The following GNL3 variants were observed in gnomAD, a reference collection of about 807,000 sequenced individuals.
GNL3 encodes the protein guanine nucleotide-binding protein-like 3.
GNL3 carries 77 observed loss-of-function variants against 70.6 expected under a neutral mutation model. The observed-to-expected ratio is 1.09, with a 90% CI of 0.91 to 1.32. GNL3 has a LOEUF of 1.32. GNL3 is among the 40% of genes most tolerant of loss of function. The probability of loss-of-function intolerance (pLI) is 0.00; values close to 1 mark genes in which losing one functional copy is unlikely to be tolerated. For synonymous variants in GNL3, 252 were observed against 216.1 expected (o/e 1.17, Z -1.46); for missense variants, 634 against 644.0 (o/e 0.98, Z 0.17).
At position 52,693,615 on chromosome 3, in the gene GNL3, C is replaced by T; in HGVS notation, c.1325-17C>T. ...TGGAGCTCTTACCTGTTTACATGGG[C>T]TTGCTTTCTTTCCCAGCCATCAAGG... On this transcript the variant is annotated splice_polypyrimidine_tract_variant and intron_variant, in intron 12 of 14. Coordinates refer to ENST00000418458, the MANE Select transcript of GNL3 (RefSeq NM_014366.5). 1.2e-6 allele frequency: 2 copies of T among 1,613,784 alleles called. No homozygotes were observed. Among genetic ancestry groups the T allele is most frequent in the African/African-American group, 1.3e-5 (1 of 74,996 alleles).
intron 4 of GNL3, 155 bp from the exon 5 acceptor site, chr3:52,687,950 CACAG>C (rs1234519309): frequency 1.9e-5 from 12 of 637,354 alleles, no homozygotes; most frequent in Non-Finnish European, 3.4e-5. Context: ...AAAGCACATC[CACAG>C]GCTGCTGAGC....
At chr3:52,694,155 T>C in intron 14 of GNL3, 38 bp from the exon 15 acceptor site, 1 of 1,595,414 alleles carries the variant, frequency 6.3e-7, no homozygotes, top group African/African-American at 1.3e-5. Context: ...AGAATCACTT[T>C]TACTTTTTGA....
chr3:52,687,847 A>AACCCAACTC lies in GNL3; in HGVS notation c.324+233_324+234insCCCAACTCA. 8.4e-6 allele frequency: 5 copies of AACCCAACTC among 592,324 alleles called. No individual in the cohort carries two copies. In the South Asian group the frequency reaches 1.0e-4, roughly 12 times the overall value. 36.7% of individuals were successfully genotyped at this position (592,324 alleles called of 1,614,324 possible). A position where few individuals can be genotyped will look rare whatever the true frequency, so the allele number is the denominator to read the frequency against. On this transcript the variant is annotated intron_variant, in intron 4 of 14. Transcript: ENST00000418458. ...TCACTATATTGCCAAGGCTGGTCTC[A>AACCCAACTC]AGTGATCCACCCAACTCAGCCTCCC...
chr3:52,689,824 C>T (rs756228331), intron 6 of GNL3, among the ~76,000 whole-genome samples: 9 of 152,156 alleles, frequency 5.9e-5, no homozygotes, highest in Non-Finnish European at 1.3e-4. Flanking sequence ...TGATGATGGG[C>T]ACTTGTAGTC....
At chr3:52,686,169 A>G (rs899270345) in intron 1 of GNL3, 64 bp downstream of exon 1, 1 of 1,554,706 alleles carries the variant, frequency 6.4e-7, no homozygotes, top group Admixed American at 1.7e-5. Context: ...AGCCACCACG[A>G]CGCTCTTCTA....
chr3:52,693,784 G>T lies in GNL3; in HGVS notation c.1477G>T (p.Glu493Ter). The T allele has an allele frequency of 6.2e-7, 1 of 1,614,012 alleles. No homozygotes were observed. The highest frequency in any genetic ancestry group is 1.3e-5 in the African/African-American group (1 of 75,022). ...GGAGGATGACAAAGACAGTGACCAG[G>T]AAACTGTTGATGAAGAAGTTGATGT... Reference protein sequence around the residue: ...EREDDKDSDQETVDEEVDENS... With the variant: ...EREDDKDSDQ The change falls in exon 13 of 15, where the codon GAA becomes TAA. Residue 493 changes from glutamate to a stop codon, truncating the protein, a stop_gained. Coordinates refer to ENST00000418458, the MANE Select transcript of GNL3 (RefSeq NM_014366.5). LOFTEE classifies it high-confidence loss of function.
In GNL3 at chr3:52,693,585, G is replaced by A. The variant is rs995919174; in HGVS notation, c.1324+41G>A. 1.9e-6 allele frequency: 3 copies of A among 1,613,882 alleles called. No individual in the cohort carries two copies. In the African/African-American group the frequency reaches 4.0e-5, roughly 22 times the overall value. ...CGCTGCTGTCTTCATCAGCTGACAG[G>A]CCAGTGGAGCTCTTACCTGTTTACA... On this transcript the variant is annotated intron_variant, in intron 12 of 14. Transcript: ENST00000418458.
intron 9 of GNL3, among the ~76,000 whole-genome samples, chr3:52,692,355 TG>T (rs1445370870): frequency 1.3e-5 from 2 of 149,148 alleles, no homozygotes; most frequent in African/African-American, 4.9e-5. Context: ...CCACTGTGCC[TG>T]GCCAACTTTT....
intron 5 of GNL3, 162 bp downstream of exon 5, chr3:52,688,354 T>C: frequency 1.8e-6 from 1 of 564,090 alleles, no homozygotes; most frequent in East Asian, 2.8e-5. Flanking sequence ...ATCACCCAGG[T>C]ATTAAGCCTA....
intron 1 of GNL3, 21 bp downstream of exon 1, chr3:52,686,126 G>T: frequency 6.3e-7 from 1 of 1,585,932 alleles, no homozygotes; most frequent in Non-Finnish European, 8.7e-7. Flanking sequence ...TCGGGAGGCG[G>T]GCGTGGAGGG....
At chr3:52,689,966 G>A (rs1010366621) in intron 6 of GNL3, among the ~76,000 whole-genome samples, 2 of 152,108 alleles carry the variant, frequency 1.3e-5, no homozygotes, top group South Asian at 2.1e-4. Flanking sequence ...GAAACAATTG[G>A]CTGCTAGCTA....
chr3:52,687,199 G>A (rs749889385), intron 2 of GNL3, 47 bp from the exon 3 acceptor site: 3 of 1,516,186 alleles, frequency 2.0e-6, no homozygotes, highest in Non-Finnish European at 2.7e-6. Context: ...TTCTGCTTAA[G>A]TATAAAGATA....
chr3:52,690,815 A>G (rs2154099610), intron 7 of GNL3, 111 bp downstream of exon 7: 1 of 1,173,918 alleles, frequency 8.5e-7, no homozygotes, highest in East Asian at 2.3e-5. Context: ...TCCAACTCTG[A>G]TTTCAGCCAG....
At chr3:52,692,110 T>TAA (rs1459327674) in intron 9 of GNL3, among the ~76,000 whole-genome samples, 1 of 152,168 alleles carries the variant, frequency 6.6e-6, no homozygotes, top group African/African-American at 2.4e-5. Context: ...GTTCAGCAGA[T>TAA]AGATTGAGAG....
chr3:52,693,692 GAAT>G lies in GNL3; in HGVS notation c.1390_1392del (p.Ile464del), dbSNP rs774379142. 76 of 1,614,064 alleles carry G rather than the reference GAAT, an allele frequency of 4.7e-5. No homozygotes were observed. The Middle Eastern group carries it at 4.9e-4, about 11-fold the overall frequency. On this transcript the variant is annotated inframe_deletion, in exon 13 of 15. Transcript: ENST00000418458. ...TTCCAGTCTTCCGGTCTGACAAATGGAATAATAGAAGAAAAGGACATACATGAA... is the reference window on the plus strand; with the variant it reads ...TTCCAGTCTTCCGGTCTGACAAATGGAATAGAAGAAAAGGACATACATGAA...
At position 52,690,989 on chromosome 3, in the gene GNL3, C is replaced by G; in HGVS notation, c.699C>G (p.Val233=). 2 of 1,613,644 alleles carry G rather than the reference C, an allele frequency of 1.2e-6. No individual in the cohort carries two copies. The highest frequency in any genetic ancestry group is 1.7e-6 in the Non-Finnish European group (2 of 1,179,548). ...ATGCTGCTCCATTCAGAAGTGAAGTCTGCTTTGGGAAAGAGGGCCTTTGGA... is the reference window on the plus strand; with the variant it reads ...ATGCTGCTCCATTCAGAAGTGAAGTGTGCTTTGGGAAAGAGGGCCTTTGGA... ...KKNAAPFRSE[V]CFGKEGLWKL... The change falls in exon 8 of 15, where the codon GTC becomes GTG. Residue 233 remains valine (V), a synonymous_variant. Coordinates refer to ENST00000418458, the MANE Select transcript of GNL3 (RefSeq NM_014366.5).
chr3:52,694,253 A>C lies in GNL3; in HGVS notation c.1628A>C (p.Asp543Ala). 6.4e-7 allele frequency: 1 copy of C among 1,563,754 alleles called. No individual in the cohort carries two copies. Residue 543 changes from aspartate (D) to alanine (A), a missense_variant, in exon 15 of 15, where the codon GAC becomes GCC. Physicochemically the swap from Asp to Ala is moderately radical, Grantham distance 126 (BLOSUM62 -2). Transcript: ENST00000418458. ...DKIIEEDDAYDFSTDYV is the reference protein window; with the variant it reads ...DKIIEEDDAYAFSTDYV ...ATCATTGAAGAGGATGATGCTTATG[A>C]CTTCAGTACAGATTATGTGTAACAG...
intron 6 of GNL3, 105 bp downstream of exon 6, chr3:52,689,311 A>C: frequency 9.1e-7 from 1 of 1,094,542 alleles, no homozygotes; most frequent in Non-Finnish European, 1.4e-6. Context: ...GATCTCAGCA[A>C]AGCCAGAGTA....
At chr3:52,694,164 G>A (rs1395437791) in intron 14 of GNL3, 29 bp from the exon 15 acceptor site, 1 of 1,598,142 alleles carries the variant, frequency 6.3e-7, no homozygotes. Flanking sequence ...TTTACTTTTT[G>A]AAAATCTCTT....
Sources: gnomAD v4.1 joint callset for allele counts (sites outside exome capture counted in the v4.1 genomes callset) on GRCh38, gnomAD v4.1.1 for gene constraint, MANE v1.5 for transcripts, NCBI Gene and HGNC (gene_info 2026-07-23, HGNC 2026-07-21) for gene names.